The following PCNX1 variants were observed in gnomAD, a reference collection of about 807,000 sequenced individuals.
The protein encoded by PCNX1 is pecanex 1, also known as pecanex-like protein 1.
PCNX1 carries 78 observed loss-of-function variants against 242.2 expected under a neutral mutation model. The ratio of observed to expected loss-of-function variants is 0.32; its 90% CI spans 0.27 to 0.39. The LOEUF (loss-of-function observed/expected upper bound fraction) is 0.39, where lower values mean the gene tolerates loss of function less well. Ranked by LOEUF, PCNX1 falls within the 10% of genes least tolerant of loss-of-function variation. The pLI is 1.00. For synonymous variants in PCNX1, 1,024 were observed against 1,032.9 expected (o/e 0.99, Z 0.17); for missense variants, 2,581 against 2,856.5 (o/e 0.90, Z 2.20).
intron 30 of PCNX1, among the ~76,000 whole-genome samples, chr14:71,089,778 A>G (rs2062082332): frequency 6.6e-6 from 1 of 152,210 alleles, no homozygotes; most frequent in Non-Finnish European, 1.5e-5. Flanking sequence ...ACCACACCAT[A>G]TGAGCTTCCA....
intron 7 of PCNX1, among the ~76,000 whole-genome samples, chr14:70,993,503 C>A (rs545276138): frequency 1.2e-4 from 18 of 152,062 alleles, no homozygotes; most frequent in African/African-American, 4.3e-4. Flanking sequence ...TGGATTCTGG[C>A]TAATTTTATT....
chr14:71,022,838 C>T (rs533961152), intron 12 of PCNX1, among the ~76,000 whole-genome samples: 1 of 152,170 alleles, frequency 6.6e-6, no homozygotes, highest in East Asian at 1.9e-4. Context: ...GAATGATGTC[C>T]TGTGAGAAAT....
chr14:71,036,083 G>T lies in PCNX1; in HGVS notation c.3793G>T (p.Asp1265Tyr). The T allele has an allele frequency of 6.2e-7, 1 of 1,603,416 alleles. No individual in the cohort carries two copies. The highest frequency in any genetic ancestry group is 1.1e-5 in the South Asian group (1 of 90,776). The change falls in exon 19 of 36, where the codon GAC (aspartate) becomes TAC (tyrosine). Residue 1265 changes from aspartate (D) to tyrosine (Y), a missense_variant. Coordinates refer to ENST00000304743, the MANE Select transcript of PCNX1 (RefSeq NM_014982.3). Reference protein sequence around the residue: ...RNSVSERLQSDLVVCIVIGVL... With the variant: ...RNSVSERLQSYLVVCIVIGVL... ...CCCACAGAGTGAGCGATTACAGTCT[G>T]ACCTGGTAGTATGCATTGTAATTGG... is the stretch of plus-strand genomic sequence containing the variant.
At chr14:70,999,847 T>A (rs1016338145) in intron 8 of PCNX1, among the ~76,000 whole-genome samples, 10 of 152,170 alleles carry the variant, frequency 6.6e-5, no homozygotes, top group Non-Finnish European at 1.3e-4. Flanking sequence ...TTAGAGTTAG[T>A]CTTGGTGTTT....
At position 71,103,500 on chromosome 14, in the gene PCNX1, G is replaced by A; in HGVS notation, c.5926G>A (p.Ala1976Thr). The A allele has an allele frequency of 1.2e-6, 2 of 1,614,188 alleles. No homozygotes were observed. Among genetic ancestry groups the A allele is most frequent in the Non-Finnish European group, 1.7e-6 (2 of 1,180,028 alleles). Reference sequence around the variant, plus strand: ...AGGTAGCATCCAAAATGCAAAGCAAGCCCTGAGAAACATGATAAACTCATC... The same window carrying A: ...AGGTAGCATCCAAAATGCAAAGCAAACCCTGAGAAACATGATAAACTCATC... ...ERGSIQNAKQ[A>T]LRNMINSSCD... Residue 1976 changes from alanine (A) to threonine (T), a missense_variant, in exon 32 of 36, where the codon GCC becomes ACC. Physicochemically the swap from Ala to Thr is moderately conservative, Grantham distance 58 (BLOSUM62 0). Coordinates refer to ENST00000304743, the MANE Select transcript of PCNX1 (RefSeq NM_014982.3).
intron 1 of PCNX1, among the ~76,000 whole-genome samples, chr14:70,917,803 C>T (rs1238510404): frequency 1.3e-5 from 2 of 152,180 alleles, no homozygotes; most frequent in Non-Finnish European, 2.9e-5. Flanking sequence ...ACTTAACCTT[C>T]TCTGGCTATG....
At chr14:70,997,536 T>C (rs565838666) in intron 8 of PCNX1, among the ~76,000 whole-genome samples, 1 of 152,272 alleles carries the variant, frequency 6.6e-6, no homozygotes, top group African/African-American at 2.4e-5. Flanking sequence ...GTTCTGAAGA[T>C]TGAAAAAACC....
At chr14:70,984,189 T>C (rs1478395697) in intron 6 of PCNX1, among the ~76,000 whole-genome samples, 1 of 151,364 alleles carries the variant, frequency 6.6e-6, no homozygotes, top group African/African-American at 2.4e-5. Flanking sequence ...ATTTTCGTGA[T>C]CTTTCCAGAT....
At chr14:70,939,293 A>G (rs1396655726) in intron 1 of PCNX1, among the ~76,000 whole-genome samples, 1 of 152,168 alleles carries the variant, frequency 6.6e-6, no homozygotes, top group East Asian at 1.9e-4. Flanking sequence ...CCCTCTACAC[A>G]CTGCTTTAAA....
intron 8 of PCNX1, among the ~76,000 whole-genome samples, chr14:71,005,672 G>A (rs1324629293): frequency 6.6e-6 from 1 of 152,146 alleles, no homozygotes; most frequent in Non-Finnish European, 1.5e-5. Context: ...AGTGTCTTGT[G>A]AATGTTTATC....
intron 30 of PCNX1, among the ~76,000 whole-genome samples, chr14:71,101,060 C>G (rs1423167418): frequency 6.6e-6 from 1 of 152,154 alleles, no homozygotes; most frequent in Non-Finnish European, 1.5e-5. Context: ...ATCTCAACCC[C>G]CCAGCTAACA....
At chr14:71,007,277 G>A (rs1054674367) in intron 8 of PCNX1, among the ~76,000 whole-genome samples, 8 of 151,358 alleles carry the variant, frequency 5.3e-5, no homozygotes, top group African/African-American at 1.9e-4. Context: ...ATACATAAAA[G>A]ACAACATGGT....
At chr14:71,070,684 G>A (rs1247309292) in intron 26 of PCNX1, among the ~76,000 whole-genome samples, 1 of 152,172 alleles carries the variant, frequency 6.6e-6, no homozygotes, top group African/African-American at 2.4e-5. Flanking sequence ...AAACAGATGT[G>A]CTGTCATCCA....
At chr14:71,053,576 C>G (rs745636330) in intron 24 of PCNX1, among the ~76,000 whole-genome samples, 1 of 152,076 alleles carries the variant, frequency 6.6e-6, no homozygotes, top group Non-Finnish European at 1.5e-5. Flanking sequence ...CTTCGGCCTC[C>G]CAAAGTGCTG....
At chr14:70,998,245 A>G (rs2059408537) in intron 8 of PCNX1, among the ~76,000 whole-genome samples, 1 of 152,172 alleles carries the variant, frequency 6.6e-6, no homozygotes, top group Non-Finnish European at 1.5e-5. Flanking sequence ...CATTTCCTAT[A>G]CTAAACCCCG....
intron 27 of PCNX1, among the ~76,000 whole-genome samples, chr14:71,074,769 G>A: frequency 6.6e-6 from 1 of 152,248 alleles, no homozygotes; most frequent in Middle Eastern, 3.4e-3. Context: ...AGGCTTAGCG[G>A]TTACCCCCTA....
chr14:70,950,158 T>G (rs1487968777), intron 2 of PCNX1, among the ~76,000 whole-genome samples: 1 of 152,184 alleles, frequency 6.6e-6, no homozygotes, highest in African/African-American at 2.4e-5. Context: ...TAAACACGTA[T>G]TTTAGCCTCA....
chr14:70,977,083 A>C lies in PCNX1; in HGVS notation c.746A>C (p.His249Pro). Residue 249 changes from histidine to proline, a missense_variant, in exon 6 of 36, where the codon CAC (histidine) becomes CCC (proline). Physicochemically the swap from His to Pro is moderately conservative, Grantham distance 77. Transcript: ENST00000304743. Reference sequence around the variant, plus strand: ...AACCTGCCAAGTCATAACCACCACCACCATGTTGATCAGTCTCTGTCCAGC... The same window carrying C: ...AACCTGCCAAGTCATAACCACCACCCCCATGTTGATCAGTCTCTGTCCAGC... Reference protein sequence around the residue: ...KVNLPSHNHHHHVDQSLSSAC... With the variant: ...KVNLPSHNHHPHVDQSLSSAC... 6.2e-7 allele frequency: 1 copy of C among 1,614,122 alleles called. No homozygotes were observed. The highest frequency in any genetic ancestry group is 8.5e-7 in the Non-Finnish European group (1 of 1,180,028).
intron 1 of PCNX1, among the ~76,000 whole-genome samples, chr14:70,914,113 C>G (rs1248722165): frequency 6.6e-6 from 1 of 152,118 alleles, no homozygotes; most frequent in Non-Finnish European, 1.5e-5. Context: ...CACATGTTCT[C>G]ACTTATAAGT....
Sources: gnomAD v4.1 joint callset for allele counts (sites outside exome capture counted in the v4.1 genomes callset) on GRCh38, gnomAD v4.1.1 for gene constraint, MANE v1.5 for transcripts, NCBI Gene and HGNC (gene_info 2026-07-23, HGNC 2026-07-21) for gene names.